Variants in CARD9 observed in about 807,000 individuals in gnomAD.
CARD9 encodes caspase recruitment domain-containing protein 9.
A neutral mutation model predicts 66.0 loss-of-function variants in CARD9; 53 were observed. The ratio of observed to expected loss-of-function variants is 0.80; its 90% CI spans 0.64 to 1.01. The LOEUF (loss-of-function observed/expected upper bound fraction) is 1.01. CARD9 is among the 50% of genes least tolerant of loss of function. The pLI is 0.00. For synonymous variants in CARD9, 387 were observed against 313.8 expected, an observed-to-expected ratio of 1.23 and a Z score of -2.47; for missense variants, 769 against 743.2, an observed-to-expected ratio of 1.03 and a Z score of -0.40.
chr9:136,370,225 T>A, intron 6 of CARD9, 69 bp downstream of exon 6: 1 of 1,561,276 alleles, frequency 6.4e-7, no homozygotes, highest in Non-Finnish European at 8.6e-7. Flanking sequence ...AGGCACGGAG[T>A]GGGCGGAGCT....
At chr9:136,373,327 T>C (rs565749825) in intron 1 of CARD9, among the ~76,000 whole-genome samples, 2 of 152,270 alleles carry the variant, frequency 1.3e-5, no homozygotes, top group African/African-American at 4.8e-5. Context: ...CAGCTTGAAA[T>C]GCAGGGTCCC....
In CARD9 at chr9:136,370,279, C is replaced by T. The variant is rs555867171; in HGVS notation, c.951+15G>A. The T allele has an allele frequency of 9.3e-5, 148 of 1,592,206 alleles. 4 individuals are homozygous for T. The South Asian group carries it at 1.4e-3, about 15-fold the overall frequency. On this transcript the variant is annotated intron_variant, in intron 6 of 12. Coordinates refer to ENST00000371732, the MANE Select transcript of CARD9 (RefSeq NM_052813.5). The stretch of plus-strand genomic sequence containing the variant: ...TTGGACCCCAGGGGCCATGTCTCCC[C>T]GCCTGCCCTCCTACCCGGAGGCGTC...
chr9:136,372,987 AC>A (rs1363510438), intron 1 of CARD9, among the ~76,000 whole-genome samples: 1 of 152,198 alleles, frequency 6.6e-6, no homozygotes, highest in African/African-American at 2.4e-5. Context: ...GGGACCAGCC[AC>A]TGCTGTCCCT....
At chr9:136,369,296 GACAGAATGTTTCCATTTTTGTAAAACAAA>G (rs1381722418) in intron 7 of CARD9, among the ~76,000 whole-genome samples, 44 of 152,290 alleles carry the variant, frequency 2.9e-4, no homozygotes, top group African/African-American at 9.9e-4. Flanking sequence ...GGTAAAACAA[GACAGAATGTTTCCATTTTTGTAAAACAAA>G]ACCAAATATA....
chr9:136,370,393 C>T lies in CARD9; in HGVS notation c.852G>A (p.Glu284=), dbSNP rs774834462. 42 of 1,611,222 alleles carry T rather than the reference C, an allele frequency of 2.6e-5. No homozygotes were observed. Among genetic ancestry groups the T allele is most frequent in the Middle Eastern group, 1.6e-4 (1 of 6,078 alleles). Residue 284 remains glutamate, a synonymous_variant, in exon 6 of 13, where the codon GAG becomes GAA. Transcript: ENST00000371732. The part of the protein sequence containing the change: ...DRSSPYIQVL[E]EDWRQALRDH... ...CCCGCAGCGCCTGCCGCCAGTCCTCCTCCAGTACCTGGATGTAGGGGCTGC... is the reference window on the plus strand; with the variant it reads ...CCCGCAGCGCCTGCCGCCAGTCCTCTTCCAGTACCTGGATGTAGGGGCTGC...
chr9:136,370,666 C>G lies in CARD9; in HGVS notation c.663G>C (p.Glu221Asp), dbSNP rs1833243130. The G allele has an allele frequency of 3.7e-6, 6 of 1,612,786 alleles. No homozygotes were observed. In the East Asian group the frequency reaches 1.3e-4, roughly 36 times the overall value. ...DQLKHSLMKAEDDCKVERKHT... is the reference protein window; with the variant it reads ...DQLKHSLMKADDDCKVERKHT... ...GCTTGCGCTCCACCTTGCAGTCGTC[C>G]TCGGCCTTCATGAGGCTGTGCTTGA... is the stretch of plus-strand genomic sequence containing the variant. The change falls in exon 5 of 13, where the codon GAG becomes GAC. Residue 221 changes from glutamate to aspartate, a missense_variant. Transcript: ENST00000371732.
intron 1 of CARD9, among the ~76,000 whole-genome samples, chr9:136,373,027 G>A (rs1016472297): frequency 3.3e-5 from 5 of 152,216 alleles, no homozygotes; most frequent in Non-Finnish European, 5.9e-5. Context: ...GGCCTCAGCC[G>A]CTGAAAGCCA....
chr9:136,373,413 A>C, intron 1 of CARD9, 119 bp downstream of exon 1: 1 of 793,288 alleles, frequency 1.3e-6, no homozygotes, highest in Non-Finnish European at 1.5e-6. Context: ...CGCATGGCGG[A>C]GGCTGCCTGG....
chr9:136,369,809 T>G lies in CARD9; in HGVS notation c.1018A>C (p.Lys340Gln). The change falls in exon 7 of 13, where the codon AAG becomes CAG. Residue 340 changes from lysine to glutamine, a missense_variant. Physicochemically the swap from Lys to Gln is moderately conservative, Grantham distance 53 (BLOSUM62 1). Coordinates refer to ENST00000371732, the MANE Select transcript of CARD9 (RefSeq NM_052813.5). ...LALRKDSKMY[K>Q]DRIEAILLQM... ...AGCAGGATGGCCTCGATGCGGTCCTTGTACATCTTGGAGTCCTTACGTAGT... is the reference window on the plus strand; with the variant it reads ...AGCAGGATGGCCTCGATGCGGTCCTGGTACATCTTGGAGTCCTTACGTAGT... The G allele has an allele frequency of 1.2e-6, 2 of 1,612,826 alleles. No homozygotes were observed. The highest frequency in any genetic ancestry group is 1.7e-6 in the Non-Finnish European group (2 of 1,179,964).
intron 7 of CARD9, among the ~76,000 whole-genome samples, chr9:136,368,962 G>A (rs1833191601): frequency 6.6e-6 from 1 of 152,202 alleles, no homozygotes; most frequent in African/African-American, 2.4e-5. Flanking sequence ...TGGGATTACA[G>A]GCGCCCGGAA....
chr9:136,371,055 C>T lies in CARD9; in HGVS notation c.413G>A (p.Ser138Asn). The T allele has an allele frequency of 6.2e-7, 1 of 1,612,646 alleles. No homozygotes were observed. The highest frequency in any genetic ancestry group is 8.5e-7 in the Non-Finnish European group (1 of 1,179,908). ...CTCCTTGATGAAGTCATCTTTGGAG[C>T]TCAGCAGCGCGGTCAGGTCCTGCAC... ...KKVQDLTALL[S>N]SKDDFIKELR... Residue 138 changes from serine (S) to asparagine (N), a missense_variant, in exon 4 of 13, where the codon AGC becomes AAC. By Grantham distance (46) the Ser-to-Asn change is conservative (BLOSUM62 1). Transcript: ENST00000371732.
chr9:136,371,185 G>A (rs562463978), intron 3 of CARD9, 40 bp from the exon 4 acceptor site: 15 of 1,606,728 alleles, frequency 9.3e-6, no homozygotes, highest in Middle Eastern at 1.7e-4. Flanking sequence ...CGTGTTCCCC[G>A]GTGGCCCAGC....
At chr9:136,369,668 C>T in intron 7 of CARD9, 82 bp downstream of exon 7, 2 of 1,534,600 alleles carry the variant, frequency 1.3e-6, no homozygotes, top group Non-Finnish European at 1.7e-6. Flanking sequence ...TAAAAATCCT[C>T]TGACAACTGC....
intron 6 of CARD9, 52 bp downstream of exon 6, chr9:136,370,242 G>A (rs1338035321): frequency 7.5e-5 from 119 of 1,579,482 alleles, no homozygotes; most frequent in Admixed American, 3.3e-4. Flanking sequence ...AGCTCAGCCC[G>A]TCCAGCCTGG....
chr9:136,370,620 C>T lies in CARD9; in HGVS notation c.709G>A (p.Ala237Thr), dbSNP rs1294011106. The T allele has an allele frequency of 4.3e-6, 7 of 1,612,610 alleles. No individual in the cohort carries two copies. The highest frequency in any genetic ancestry group is 5.9e-6 in the Non-Finnish European group (7 of 1,179,914). The change falls in exon 5 of 13, where the codon GCC becomes ACC. Residue 237 changes from alanine (A) to threonine (T), a missense_variant. Coordinates refer to ENST00000371732, the MANE Select transcript of CARD9 (RefSeq NM_052813.5). ...ERKHTLKLRH[A>T]MEQRPSQELL... ...TCCTGGCTGGGCCGCTGCTCCATGG[C>T]GTGCCTGAGCTTCAGCGTGTGCTTG...
rs769311640 is a variant in CARD9, at chr9:136,370,483, G to T, written c.807+39C>A. ...TGGCCTGGCTGGGAAGGCCCCCACT[G>T]CCCTGCCTGGGCTGCACCTGCCCTG... On this transcript the variant is annotated intron_variant, in intron 5 of 12. Transcript: ENST00000371732. The T allele has an allele frequency of 3.2e-5, 51 of 1,604,070 alleles. 2 individuals are homozygous for T. The South Asian group carries it at 4.8e-4, about 15-fold the overall frequency.
rs911661601 is a variant in CARD9, at chr9:136,366,697, T to C, written c.1357+103A>G. 5 of 1,239,250 alleles carry C rather than the reference T, an allele frequency of 4.0e-6. No individual in the cohort carries two copies. In the South Asian group the frequency reaches 4.8e-5, roughly 12 times the overall value. 76.8% of individuals were successfully genotyped at this position (1,239,250 alleles called of 1,614,324 possible). A position where few individuals can be genotyped will look rare whatever the true frequency, so the allele number is the denominator to read the frequency against. On this transcript the variant is annotated intron_variant, in intron 10 of 12. Coordinates refer to ENST00000371732, the MANE Select transcript of CARD9 (RefSeq NM_052813.5). ...TTCCCTGTCTGTGGAGTGGGGGTTGTGGGGGTTGACACAGGCATTGCGGCA... is the reference window on the plus strand; with the variant it reads ...TTCCCTGTCTGTGGAGTGGGGGTTGCGGGGGTTGACACAGGCATTGCGGCA...
rs1458932569 is a variant in CARD9, at chr9:136,370,922, G to C, written c.546C>G (p.Asn182Lys). The C allele has an allele frequency of 6.2e-7, 1 of 1,612,418 alleles. No individual in the cohort carries two copies. The highest frequency in any genetic ancestry group is 2.2e-5 in the East Asian group (1 of 44,874). Residue 182 changes from asparagine (N) to lysine (K), a missense_variant, in exon 4 of 13, where the codon AAC (asparagine) becomes AAG (lysine). Transcript: ENST00000371732. Reference sequence around the variant, plus strand: ...GCGCCAGGCGCATGGCCAGGTCGTAGTTCTCCTCCTTGCAGCGCTTGAGCT... The same window carrying C: ...GCGCCAGGCGCATGGCCAGGTCGTACTTCTCCTCCTTGCAGCGCTTGAGCT... ...SRELKRCKEENYDLAMRLAHQ... is the reference protein window; with the variant it reads ...SRELKRCKEEKYDLAMRLAHQ...
intron 7 of CARD9, among the ~76,000 whole-genome samples, chr9:136,369,361 A>T (rs1833201043): frequency 6.6e-6 from 1 of 152,270 alleles, no homozygotes; most frequent in South Asian, 2.1e-4. Flanking sequence ...GTGATAGATG[A>T]TAGACAGATG....
Sources: allele counts gnomAD v4.1 joint callset (sites outside exome capture counted in the v4.1 genomes callset), GRCh38; gene constraint gnomAD v4.1.1; transcripts MANE v1.5; gene names NCBI Gene and HGNC (gene_info 2026-07-23, HGNC 2026-07-21).